OR6N2: variants seen among roughly 807,000 people sequenced by gnomAD.
OR6N2 encodes the protein olfactory receptor 6N2.
For synonymous variants in OR6N2, 160 were observed against 138.3 expected (o/e 1.16, Z -1.10); for missense variants, 399 against 379.7 (o/e 1.05, Z -0.42).
At chr1:158,780,622 A>G (rs1664898355) in intron 1 of OR6N2, among the ~76,000 whole-genome samples, 1 of 152,222 alleles carries the variant, frequency 6.6e-6, no homozygotes, top group African/African-American at 2.4e-5. Flanking sequence ...GTTGGGCAAA[A>G]TCATCTAACA....
chr1:158,777,503 T>C lies in OR6N2; in HGVS notation c.133A>G (p.Ile45Val). ...GCATCCAGTCGGATGACTGAGAAGA[T>C]GAGCATGTTACCACAGATGGTGAAC... is the stretch of plus-strand genomic sequence containing the variant. ...YLFTICGNML[I>V]FSVIRLDAAL... The change falls in exon 2 of 2, where the codon ATC (isoleucine) becomes GTC (valine). Residue 45 changes from isoleucine (I) to valine (V), a missense_variant. Physicochemically the swap from Ile to Val is conservative, Grantham distance 29 (BLOSUM62 3). Coordinates refer to ENST00000641131, the MANE Select transcript of OR6N2 (RefSeq NM_001005278.2). The C allele has an allele frequency of 2.5e-6, 4 of 1,614,166 alleles. No individual in the cohort carries two copies. The highest frequency in any genetic ancestry group is 3.4e-6 in the Non-Finnish European group (4 of 1,180,022).
intron 1 of OR6N2, among the ~76,000 whole-genome samples, chr1:158,780,172 T>C (rs7553568): frequency 0.017 from 2,582 of 152,292 alleles, 76 homozygotes; most frequent in African/African-American, 0.059. Flanking sequence ...CCTATCATTG[T>C]TCCCACTGAC....
rs767535623 is a variant in OR6N2 at position 158,777,262 on chromosome 1, G to A, written c.374C>T (p.Ala125Val). ...AGGGTAGTGGAGGGGCCGACAAATG[G>A]CCAGGTATCTATCATAGGCCATGGC... ...LTAMAYDRYL[A>V]ICRPLHYPII... Residue 125 changes from alanine to valine, a missense_variant, in exon 2 of 2, where the codon GCC becomes GTC. Ala to Val is a moderately conservative substitution (Grantham distance 64). Coordinates refer to ENST00000641131, the MANE Select transcript of OR6N2 (RefSeq NM_001005278.2). 2.5e-6 allele frequency: 4 copies of A among 1,614,114 alleles called. No individual in the cohort carries two copies. The highest frequency in any genetic ancestry group is 2.2e-5 in the South Asian group (2 of 91,076).
rs185660018 is a variant in OR6N2 at position 158,777,091 on chromosome 1, G to A, written c.545C>T (p.Pro182Leu). The A allele has an allele frequency of 1.9e-5, 31 of 1,614,170 alleles. No individual in the cohort carries two copies. The East Asian group carries it at 5.8e-4, about 30-fold the overall frequency. ...CTTGCAGGCCAAGCTCAGCAAAGGT[G>A]GAAAGTCACAGAAAATGTGTTGGAT... ...NEIQHIFCDF[P>L]PLLSLACKDT... Residue 182 changes from proline (P) to leucine (L), a missense_variant, in exon 2 of 2, where the codon CCA becomes CTA. Physicochemically the swap from Pro to Leu is moderately conservative, Grantham distance 98 (BLOSUM62 -3). Transcript: ENST00000641131.
At position 158,775,127 on chromosome 1, in the gene OR6N2, T is replaced by C. The variant is rs746791808; in HGVS notation, c.*1555A>G. On this transcript the variant is annotated 3_prime_UTR_variant, in exon 2 of 2. Transcript: ENST00000641131. Reference sequence around the variant, plus strand: ...GAATGACAAACTATATCTATGTATATATACATAAATGTCCACAAACACATA... The same window carrying C: ...GAATGACAAACTATATCTATGTATACATACATAAATGTCCACAAACACATA... The C allele has an allele frequency of 1.3e-5, 2 of 152,220 alleles. No homozygotes were observed. The highest frequency in any genetic ancestry group is 4.8e-5 in the African/African-American group (2 of 41,456). 9.4% of individuals were successfully genotyped at this position (152,220 alleles called of 1,614,324 possible).
chr1:158,776,658 G>A lies in OR6N2; in HGVS notation c.*24C>T. 1 of 1,387,538 alleles carries A rather than the reference G, an allele frequency of 7.2e-7. No individual in the cohort carries two copies. Among genetic ancestry groups the A allele is most frequent in the South Asian group, 1.3e-5 (1 of 77,610 alleles). The allele number at this position is 1,387,538 out of a possible 1,614,324, so 86.0% of individuals were successfully genotyped here. A position where few individuals can be genotyped will look rare whatever the true frequency, so the allele number is the denominator to read the frequency against. On this transcript the variant is annotated 3_prime_UTR_variant, in exon 2 of 2. Coordinates refer to ENST00000641131, the MANE Select transcript of OR6N2 (RefSeq NM_001005278.2). Reference sequence around the variant, plus strand: ...GAACTTTTATGAATTGAACATTGAGGTGAGAAAGGACATGGGAAGAAAGTC... The same window carrying A: ...GAACTTTTATGAATTGAACATTGAGATGAGAAAGGACATGGGAAGAAAGTC...
Position 158,777,309 on chromosome 1 carries a change from C to T in OR6N2, c.327G>A (p.Ala109=), listed in dbSNP as rs560376112. ...TGGCTGTAAGAAGGTAGCATTCAGACGCTCCCAAGGAGTGGAAGAAGTAGG... is the reference window on the plus strand; with the variant it reads ...TGGCTGTAAGAAGGTAGCATTCAGATGCTCCCAAGGAGTGGAAGAAGTAGG... ...LQTYFFHSLG[A]SECYLLTAMA... is the part of the protein sequence containing the mutation. Residue 109 remains alanine, a synonymous_variant, in exon 2 of 2, where the codon GCG becomes GCA. Coordinates refer to ENST00000641131, the MANE Select transcript of OR6N2 (RefSeq NM_001005278.2). 107 of 1,613,928 alleles carry T rather than the reference C, an allele frequency of 6.6e-5. No homozygotes were observed. The highest frequency in any genetic ancestry group is 1.8e-4 in the East Asian group (8 of 44,878).
chr1:158,777,360 A>C lies in OR6N2; in HGVS notation c.276T>G (p.Ile92Met). Residue 92 changes from isoleucine (I) to methionine (M), a missense_variant, in exon 2 of 2, where the codon ATT becomes ATG. Physicochemically the swap from Ile to Met is conservative, Grantham distance 10. Transcript: ENST00000641131. ...LSNILSEKKT[I>M]SFAGCLLQTY... Reference sequence around the variant, plus strand: ...TCTGAAGGAGGCATCCTGCAAAAGAAATGGTTTTCTTCTCACTGAGAATAT... The same window carrying C: ...TCTGAAGGAGGCATCCTGCAAAAGACATGGTTTTCTTCTCACTGAGAATAT... The C allele has an allele frequency of 8.1e-6, 13 of 1,614,234 alleles. No homozygotes were observed. The highest frequency in any genetic ancestry group is 1.0e-5 in the Non-Finnish European group (12 of 1,180,038).
In OR6N2 at chr1:158,775,931, C is replaced by A. The variant is rs909594938; in HGVS notation, c.*751G>T. On this transcript the variant is annotated 3_prime_UTR_variant, in exon 2 of 2. Transcript: ENST00000641131. ...AAATTATTGACAAGTCCAATCCAGG[C>A]AGTGTTGATAAGTAGGAAGTTGAAT... The A allele has an allele frequency of 1.3e-5, 2 of 152,074 alleles. No individual in the cohort carries two copies. The highest frequency in any genetic ancestry group is 4.8e-5 in the African/African-American group (2 of 41,398). The allele number at this position is 152,074 out of a possible 1,614,324, so 9.4% of individuals were successfully genotyped here. A position where few individuals can be genotyped will look rare whatever the true frequency, so the allele number is the denominator to read the frequency against.
intron 1 of OR6N2, among the ~76,000 whole-genome samples, chr1:158,778,152 A>G (rs1026560098): frequency 5.9e-5 from 9 of 152,206 alleles, no homozygotes; most frequent in Non-Finnish European, 1.3e-4. Context: ...CTATTGTTCA[A>G]TTCACCTCTA....
rs1386596664 is a variant in OR6N2, at chr1:158,775,467, T to C, written c.*1215A>G. 1 of 152,196 alleles carries C rather than the reference T, an allele frequency of 6.6e-6. No homozygotes were observed. The highest frequency in any genetic ancestry group is 1.5e-5 in the Non-Finnish European group (1 of 68,020). 9.4% of individuals were successfully genotyped at this position (152,196 alleles called of 1,614,324 possible). On this transcript the variant is annotated 3_prime_UTR_variant, in exon 2 of 2. Coordinates refer to ENST00000641131, the MANE Select transcript of OR6N2 (RefSeq NM_001005278.2). ...AAGAGGAAGGCAGGGAAGAATTCCG[T>C]TTATAGCCTTATAAAGTATGGTGAG... is the stretch of plus-strand genomic sequence containing the variant.
In OR6N2 at chr1:158,777,129, A is replaced by G; in HGVS notation, c.507T>C (p.Cys169=). The part of the protein sequence containing the change: ...EVILASQLPF[C]AYNEIQHIFC... ...AAATGTGTTGGATTTCATTGTAAGC[A>G]CAAAATGGGAGCTGGGAGGCAAGGA... The change falls in exon 2 of 2, where the codon TGT becomes TGC. Residue 169 remains cysteine (C), a synonymous_variant. Coordinates refer to ENST00000641131, the MANE Select transcript of OR6N2 (RefSeq NM_001005278.2). 1 of 1,614,204 alleles carries G rather than the reference A, an allele frequency of 6.2e-7. No homozygotes were observed. The highest frequency in any genetic ancestry group is 1.1e-5 in the South Asian group (1 of 91,090).
chr1:158,777,237 A>T lies in OR6N2; in HGVS notation c.399T>A (p.Pro133=), dbSNP rs967738345. The change falls in exon 2 of 2, where the codon CCT becomes CCA. Residue 133 remains proline (P), a synonymous_variant. Transcript: ENST00000641131. ...CACAGAGTGTGGTGGTCATAATTATAGGGTAGTGGAGGGGCCGACAAATGG... is the reference window on the plus strand; with the variant it reads ...CACAGAGTGTGGTGGTCATAATTATTGGGTAGTGGAGGGGCCGACAAATGG... ...YLAICRPLHY[P]IIMTTTLCAK... 6.2e-7 allele frequency: 1 copy of T among 1,614,146 alleles called. No individual in the cohort carries two copies. Among genetic ancestry groups the T allele is most frequent in the African/African-American group, 1.3e-5 (1 of 75,052 alleles).
Position 158,777,487 on chromosome 1 carries a change from C to T in OR6N2, c.149G>A (p.Arg50Gln), listed in dbSNP as rs1241425325. The change falls in exon 2 of 2, where the codon CGA (arginine) becomes CAA (glutamine). Residue 50 changes from arginine to glutamine, a missense_variant. Arg to Gln is a conservative substitution (Grantham distance 43, BLOSUM62 1). Coordinates refer to ENST00000641131, the MANE Select transcript of OR6N2 (RefSeq NM_001005278.2). ...CGNMLIFSVI[R>Q]LDAALHTPMY... is the part of the protein sequence containing the mutation. ...AGGTGTGTGCAGAGCTGCATCCAGT[C>T]GGATGACTGAGAAGATGAGCATGTT... 1.2e-5 allele frequency: 19 copies of T among 1,614,126 alleles called. No individual in the cohort carries two copies. The highest frequency in any genetic ancestry group is 6.7e-5 in the East Asian group (3 of 44,880).
rs888095912 is a variant in OR6N2 at position 158,775,532 on chromosome 1, T to C, written c.*1150A>G. The C allele has an allele frequency of 3.3e-5, 5 of 152,210 alleles. No individual in the cohort carries two copies. The highest frequency in any genetic ancestry group is 2.6e-4 in the Admixed American group (4 of 15,272). The allele number at this position is 152,210 out of a possible 1,614,324, so 9.4% of individuals were successfully genotyped here. A position where few individuals can be genotyped will look rare whatever the true frequency, so the allele number is the denominator to read the frequency against. On this transcript the variant is annotated 3_prime_UTR_variant, in exon 2 of 2. Transcript: ENST00000641131. ...CTTAAGGGCAATTGAGAATTTCTCA[T>C]GTTTTTATAAAATGGTATATACAAT...
At chr1:158,779,645 TC>T (rs1339171444) in intron 1 of OR6N2, among the ~76,000 whole-genome samples, 3 of 152,182 alleles carry the variant, frequency 2.0e-5, no homozygotes, top group Non-Finnish European at 4.4e-5. Flanking sequence ...GACTGTACAT[TC>T]ACCTCTCCAA....
In OR6N2 at chr1:158,774,514, G is replaced by C. The variant is rs1657531062; in HGVS notation, c.*2168C>G. ...ACATGCCCCACATTGTACCACAGCG[G>C]AGGGACCCAAAAAGCACTAGTCTTT... On this transcript the variant is annotated 3_prime_UTR_variant, in exon 2 of 2. Transcript: ENST00000641131. 1 of 152,152 alleles carries C rather than the reference G, an allele frequency of 6.6e-6. No individual in the cohort carries two copies. The allele number at this position is 152,152 out of a possible 1,614,324, so 9.4% of individuals were successfully genotyped here. A position where few individuals can be genotyped will look rare whatever the true frequency, so the allele number is the denominator to read the frequency against.
Position 158,776,628 on chromosome 1 carries a change from T to C in OR6N2, c.*54A>G. The C allele has an allele frequency of 1.9e-6, 2 of 1,036,406 alleles. No homozygotes were observed. Among genetic ancestry groups the C allele is most frequent in the Non-Finnish European group, 2.9e-6 (2 of 697,640 alleles). The allele number at this position is 1,036,406 out of a possible 1,614,324, so 64.2% of individuals were successfully genotyped here. A position where few individuals can be genotyped will look rare whatever the true frequency, so the allele number is the denominator to read the frequency against. On this transcript the variant is annotated 3_prime_UTR_variant, in exon 2 of 2. Transcript: ENST00000641131. ...GCATGTGTGATGATGGGAAGATTACTCAAGGAACTTTTATGAATTGAACAT... is the reference window on the plus strand; with the variant it reads ...GCATGTGTGATGATGGGAAGATTACCCAAGGAACTTTTATGAATTGAACAT...
chr1:158,777,500 A>G lies in OR6N2; in HGVS notation c.136T>C (p.Phe46Leu), dbSNP rs761188081. Residue 46 changes from phenylalanine (F) to leucine (L), a missense_variant, in exon 2 of 2, where the codon TTC becomes CTC. Physicochemically the swap from Phe to Leu is conservative, Grantham distance 22. Coordinates refer to ENST00000641131, the MANE Select transcript of OR6N2 (RefSeq NM_001005278.2). ...GCTGCATCCAGTCGGATGACTGAGA[A>G]GATGAGCATGTTACCACAGATGGTG... ...LFTICGNMLI[F>L]SVIRLDAALH... 6.2e-7 allele frequency: 1 copy of G among 1,614,228 alleles called. No homozygotes were observed. The highest frequency in any genetic ancestry group is 1.1e-5 in the South Asian group (1 of 91,088).
Sources: gnomAD v4.1 joint callset for allele counts (sites outside exome capture counted in the v4.1 genomes callset) on GRCh38, gnomAD v4.1.1 for gene constraint, MANE v1.5 for transcripts, NCBI Gene and HGNC (gene_info 2026-07-23, HGNC 2026-07-21) for gene names.